SMCO3: variants seen among roughly 807,000 people sequenced by gnomAD.
The protein encoded by SMCO3 is single-pass membrane and coiled-coil domain-containing protein 3.
Under a neutral mutation model 12.0 loss-of-function variants are expected in SMCO3, and 6 were observed. The observed-to-expected ratio is 0.50, with a 90% confidence interval of 0.27 to 0.99. The LOEUF (loss-of-function observed/expected upper bound fraction) is 0.99. Among genes scored for constraint, SMCO3 ranks in the 50% least tolerant of loss-of-function variants. The probability of loss-of-function intolerance (pLI) is 0.11; values close to 1 mark genes in which losing one functional copy is unlikely to be tolerated. For synonymous variants in SMCO3, 96 were observed against 96.4 expected (o/e 1.00, Z 0.02); for missense variants, 279 against 265.0 (o/e 1.05, Z -0.37).
At chr12:14,810,332 T>C (rs1238570105) in intron 1 of SMCO3, among the ~76,000 whole-genome samples, 2 of 152,132 alleles carry the variant, frequency 1.3e-5, no homozygotes, top group Non-Finnish European at 2.9e-5. Context: ...GAGGTGGGGA[T>C]TGAAAGTGAA....
intron 1 of SMCO3, among the ~76,000 whole-genome samples, chr12:14,813,075 G>T (rs929724168): frequency 3.5e-4 from 53 of 152,252 alleles, no homozygotes; most frequent in African/African-American, 1.2e-3. Context: ...AAAAAGATTG[G>T]CCTTGTTTTG....
intron 1 of SMCO3, among the ~76,000 whole-genome samples, chr12:14,811,478 CAAAA>C (rs1170158821): frequency 6.6e-6 from 1 of 152,026 alleles, no homozygotes; most frequent in Non-Finnish European, 1.5e-5. Context: ...TAAAAAATGA[CAAAA>C]AACATCTGAA....
intron 1 of SMCO3, among the ~76,000 whole-genome samples, chr12:14,807,935 G>T (rs556944719): frequency 3.9e-5 from 6 of 152,182 alleles, no homozygotes; most frequent in African/African-American, 1.4e-4. Flanking sequence ...GGAGGCCCAG[G>T]CAGGTGAATA....
chr12:14,805,326 G>T lies in SMCO3; in HGVS notation c.*677C>A, dbSNP rs1950031440. ...GAGCGATATTTAATTATCACAGTTG[G>T]TCAGGGTTGATTGCAGTGACTGAAA... On this transcript the variant is annotated 3_prime_UTR_variant, in exon 2 of 2. Transcript: ENST00000316048. The T allele has an allele frequency of 6.6e-6, 1 of 152,144 alleles. No homozygotes were observed. The highest frequency in any genetic ancestry group is 2.4e-5 in the African/African-American group (1 of 41,412). The allele number at this position is 152,144 out of a possible 1,614,324, so 9.4% of individuals were successfully genotyped here. A position where few individuals can be genotyped will look rare whatever the true frequency, so the allele number is the denominator to read the frequency against.
At chr12:14,813,889 A>G (rs1036942789) in intron 1 of SMCO3, among the ~76,000 whole-genome samples, 3 of 152,144 alleles carry the variant, frequency 2.0e-5, no homozygotes, top group African/African-American at 7.2e-5. Flanking sequence ...CTCTGACTTA[A>G]TCAGTCCTAG....
At position 14,806,199 on chromosome 12, in the gene SMCO3, C is replaced by A; in HGVS notation, c.482G>T (p.Gly161Val). ...GCCAAGAACAGCAACTCCAATACTA[C>A]CAAGGAGAGAAGCACCAATTTGAGC... ...VLAQIGASLL[G>V]SIGVAVLGLG... Residue 161 changes from glycine to valine, a missense_variant, in exon 2 of 2, where the codon GGT (glycine) becomes GTT (valine). Physicochemically the swap from Gly to Val is moderately radical, Grantham distance 109. Transcript: ENST00000316048. The A allele has an allele frequency of 6.2e-7, 1 of 1,614,068 alleles. No individual in the cohort carries two copies. Among genetic ancestry groups the A allele is most frequent in the Non-Finnish European group, 8.5e-7 (1 of 1,179,980 alleles).
At chr12:14,813,802 A>G (rs1565419119) in intron 1 of SMCO3, among the ~76,000 whole-genome samples, 1 of 152,210 alleles carries the variant, frequency 6.6e-6, no homozygotes, top group Non-Finnish European at 1.5e-5. Context: ...CTATCCATGT[A>G]AACTTCACAC....
At chr12:14,810,481 A>G (rs973233200) in intron 1 of SMCO3, among the ~76,000 whole-genome samples, 6 of 152,234 alleles carry the variant, frequency 3.9e-5, no homozygotes, top group African/African-American at 1.4e-4. Flanking sequence ...TGCAAAGCAT[A>G]CAAAGATGAA....
rs1950049267 is a variant in SMCO3 at position 14,806,344 on chromosome 12, C to G, written c.337G>C (p.Val113Leu). The G allele has an allele frequency of 2.5e-6, 4 of 1,614,106 alleles. No individual in the cohort carries two copies. The highest frequency in any genetic ancestry group is 3.3e-5 in the Admixed American group (2 of 60,002). Residue 113 changes from valine (V) to leucine (L), a missense_variant, in exon 2 of 2, where the codon GTG becomes CTG. Physicochemically the swap from Val to Leu is conservative, Grantham distance 32 (BLOSUM62 1). Transcript: ENST00000316048. ...AGGATGACCGAAATAACCTTTTGCA[C>G]TATTGCAATTTTGTCTGTTTCCTTT... ...KEKETDKIAIVQKVISVILGE... is the reference protein window; with the variant it reads ...KEKETDKIAILQKVISVILGE...
intron 1 of SMCO3, among the ~76,000 whole-genome samples, chr12:14,813,673 C>T (rs1476427358): frequency 6.6e-6 from 1 of 152,154 alleles, no homozygotes; most frequent in Non-Finnish European, 1.5e-5. Flanking sequence ...TTAGATACAA[C>T]ATAATTTATG....
At chr12:14,812,700 TG>T (rs1950159873) in intron 1 of SMCO3, among the ~76,000 whole-genome samples, 1 of 152,086 alleles carries the variant, frequency 6.6e-6, no homozygotes, top group Non-Finnish European at 1.5e-5. Flanking sequence ...AAGCTTTTAC[TG>T]TGCTACCCCA....
chr12:14,811,722 C>A (rs1208670014), intron 1 of SMCO3, among the ~76,000 whole-genome samples: 1 of 152,170 alleles, frequency 6.6e-6, no homozygotes, highest in African/African-American at 2.4e-5. Context: ...AGAAAAGGAA[C>A]TACCTTACAA....
At chr12:14,811,172 T>C (rs1230815633) in intron 1 of SMCO3, among the ~76,000 whole-genome samples, 1 of 152,230 alleles carries the variant, frequency 6.6e-6, no homozygotes, top group Non-Finnish European at 1.5e-5. Flanking sequence ...AAAGTTCCAC[T>C]TGGGGAATTA....
At position 14,805,971 on chromosome 12, in the gene SMCO3, A is replaced by G. The variant is rs1950041425; in HGVS notation, c.*32T>C. The G allele has an allele frequency of 2.6e-6, 4 of 1,559,072 alleles. No homozygotes were observed. The highest frequency in any genetic ancestry group is 1.2e-5 in the South Asian group (1 of 81,484). On this transcript the variant is annotated 3_prime_UTR_variant, in exon 2 of 2. Coordinates refer to ENST00000316048, the MANE Select transcript of SMCO3 (RefSeq NM_001013698.2). Reference sequence around the variant, plus strand: ...AACACTGTTACTGAAAAGGAAGCAGAAAAACACTTCAGTGGCAAATAAAAC... The same window carrying G: ...AACACTGTTACTGAAAAGGAAGCAGGAAAACACTTCAGTGGCAAATAAAAC...
intron 1 of SMCO3, among the ~76,000 whole-genome samples, chr12:14,812,180 C>T (rs1950149982): frequency 6.6e-6 from 1 of 152,156 alleles, no homozygotes; most frequent in South Asian, 2.1e-4. Flanking sequence ...CGTGGTGGCT[C>T]ACGCCTGTAA....
intron 1 of SMCO3, among the ~76,000 whole-genome samples, chr12:14,813,054 G>C (rs2137269250): frequency 6.6e-6 from 1 of 152,310 alleles, no homozygotes; most frequent in South Asian, 2.1e-4. Context: ...GTGGGGTAGG[G>C]TTATAGAGGA....
intron 1 of SMCO3, among the ~76,000 whole-genome samples, chr12:14,812,768 A>C (rs1213038310): frequency 6.6e-6 from 1 of 151,906 alleles, no homozygotes; most frequent in Non-Finnish European, 1.5e-5. Flanking sequence ...TACAATTTTT[A>C]TTTTAGATTC....
At position 14,806,608 on chromosome 12, in the gene SMCO3, G is replaced by A. The variant is rs762179150; in HGVS notation, c.73C>T (p.Leu25Phe). 1 of 1,614,054 alleles carries A rather than the reference G, an allele frequency of 6.2e-7. No homozygotes were observed. The highest frequency in any genetic ancestry group is 8.5e-7 in the Non-Finnish European group (1 of 1,180,000). The change falls in exon 2 of 2, where the codon CTT becomes TTT. Residue 25 changes from leucine to phenylalanine, a missense_variant. By Grantham distance (22) the Leu-to-Phe change is conservative (BLOSUM62 0). Coordinates refer to ENST00000316048, the MANE Select transcript of SMCO3 (RefSeq NM_001013698.2). ...REEVNRLHQQ[L>F]LDCLSDSFDV... ...AAGCTGTCAGATAAGCAATCAAGAA[G>A]CTGCTGGTGAAGACGATTTACTTCT...
chr12:14,805,866 C>A lies in SMCO3; in HGVS notation c.*137G>T. 2.3e-6 allele frequency: 2 copies of A among 871,616 alleles called. No individual in the cohort carries two copies. The allele number at this position is 871,616 out of a possible 1,614,324, so 54.0% of individuals were successfully genotyped here. A position where few individuals can be genotyped will look rare whatever the true frequency, so the allele number is the denominator to read the frequency against. ...ATCTAGTCATCTAGTCTTGGCATCT[C>A]CAGTTTCCCTCTCCAAATTGTTTAT... On this transcript the variant is annotated 3_prime_UTR_variant, in exon 2 of 2. Coordinates refer to ENST00000316048, the MANE Select transcript of SMCO3 (RefSeq NM_001013698.2).
Sources: allele counts gnomAD v4.1 joint callset (sites outside exome capture counted in the v4.1 genomes callset), GRCh38; gene constraint gnomAD v4.1.1; transcripts MANE v1.5; gene names NCBI Gene and HGNC (gene_info 2026-07-23, HGNC 2026-07-21).